Variants in CLEC16A observed in about 807,000 individuals in gnomAD.
The protein encoded by CLEC16A is protein CLEC16A.
A neutral mutation model predicts 109.5 loss-of-function variants in CLEC16A; 51 were observed. The ratio of observed to expected loss-of-function variants is 0.47; its 90% confidence interval spans 0.37 to 0.59. CLEC16A has a LOEUF of 0.59. CLEC16A is among the 20% of genes least tolerant of loss of function. The pLI, the probability that CLEC16A is intolerant of heterozygous loss-of-function variation, is 0.00. For synonymous variants in CLEC16A, 673 were observed against 564.2 expected (o/e 1.19, Z -2.73); for missense variants, 1,339 against 1,394.0 (o/e 0.96, Z 0.63).
intron 13 of CLEC16A, chr16:11,026,976 TC>T (rs1231159140): frequency 8.5e-6 from 13 of 1,533,848 alleles, no homozygotes; most frequent in Non-Finnish European, 1.1e-5. Flanking sequence ...GTGCTGTCTT[TC>T]CCATGTGGTG....
chr16:11,033,539 C>T (rs114348768), intron 13 of CLEC16A, among the ~76,000 whole-genome samples: 1 of 152,144 alleles, frequency 6.6e-6, no homozygotes, highest in Admixed American at 6.5e-5. Context: ...TTTGGTGGGG[C>T]TTTGCTGGTG....
intron 19 of CLEC16A, among the ~76,000 whole-genome samples, chr16:11,078,549 G>C (rs1050434309): frequency 8.5e-5 from 13 of 152,194 alleles, no homozygotes; most frequent in Non-Finnish European, 1.8e-4. Context: ...CAGTTTCTCA[G>C]GTGGAAACCA....
intron 7 of CLEC16A, among the ~76,000 whole-genome samples, chr16:10,973,493 G>T (rs1405526864): frequency 6.6e-6 from 1 of 152,206 alleles, no homozygotes; most frequent in Admixed American, 6.5e-5. Flanking sequence ...ATCTATAGGG[G>T]CAGAAAGTAG....
chr16:10,950,185 G>T (rs532108420), intron 1 of CLEC16A, among the ~76,000 whole-genome samples: 1 of 152,154 alleles, frequency 6.6e-6, no homozygotes, highest in Non-Finnish European at 1.5e-5. Context: ...CTGTCCTTTG[G>T]CTATCAGACA....
At position 11,051,448 on chromosome 16, in the gene CLEC16A, C is replaced by T; in HGVS notation, c.1867-65C>T. 4 of 1,565,124 alleles carry T rather than the reference C, an allele frequency of 2.6e-6. No homozygotes were observed. The South Asian group carries it at 3.4e-5, about 13-fold the overall frequency. On this transcript the variant is annotated intron_variant, in intron 17 of 23. Transcript: ENST00000409790. ...GAAGGCGAGGGGCCTGTGCAACCTC[C>T]CCCGGCCCCTTCCTCCTTCCAAGTA... is the stretch of plus-strand genomic sequence containing the variant.
At chr16:11,064,027 C>T (rs1052775175) in intron 19 of CLEC16A, among the ~76,000 whole-genome samples, 1 of 151,992 alleles carries the variant, frequency 6.6e-6, no homozygotes, top group Admixed American at 6.5e-5. Context: ...CTAGATAAAA[C>T]AGTGGATTTC....
intron 22 of CLEC16A, chr16:11,136,182 C>T (rs752330423): frequency 1.3e-5 from 2 of 152,240 alleles, no homozygotes; most frequent in Non-Finnish European, 2.9e-5. Flanking sequence ...GTTAGGTGGC[C>T]TTGACCCATT....
chr16:11,055,124 C>G (rs1371518075), intron 18 of CLEC16A, among the ~76,000 whole-genome samples: 1 of 152,092 alleles, frequency 6.6e-6, no homozygotes, highest in African/African-American at 2.4e-5. Flanking sequence ...CTGTGTTAGC[C>G]TTGGGGGTGA....
At chr16:11,154,916 G>A (rs2054448159) in intron 22 of CLEC16A, among the ~76,000 whole-genome samples, 1 of 151,888 alleles carries the variant, frequency 6.6e-6, no homozygotes, top group Non-Finnish European at 1.5e-5. Context: ...AACAGAGCGG[G>A]ACTCCATCTC....
At chr16:11,160,607 C>T (rs1436657949) in intron 22 of CLEC16A, among the ~76,000 whole-genome samples, 1 of 152,204 alleles carries the variant, frequency 6.6e-6, no homozygotes, top group Non-Finnish European at 1.5e-5. Flanking sequence ...GCCAGCCCGT[C>T]CCTTGTCCCT....
At chr16:10,991,220 CA>C in intron 10 of CLEC16A, among the ~76,000 whole-genome samples, 1 of 152,012 alleles carries the variant, frequency 6.6e-6, no homozygotes, top group Non-Finnish European at 1.5e-5. Context: ...TTACAGTTCT[CA>C]GTAAGGTGGC....
intron 22 of CLEC16A, among the ~76,000 whole-genome samples, chr16:11,152,421 A>AT (rs1445710905): frequency 6.6e-6 from 1 of 152,026 alleles, no homozygotes; most frequent in East Asian, 1.9e-4. Flanking sequence ...TTCTGGAGAG[A>AT]TTTGGGGTTT....
intron 19 of CLEC16A, among the ~76,000 whole-genome samples, chr16:11,107,148 T>A (rs1013418033): frequency 9.2e-5 from 14 of 152,174 alleles, no homozygotes; most frequent in Non-Finnish European, 1.2e-4. Context: ...AAGCAGTAGG[T>A]CCCAGTTTCC....
intron 21 of CLEC16A, 74 bp from the exon 22 acceptor site, chr16:11,125,905 C>CA: frequency 2.6e-5 from 2 of 75,846 alleles, no homozygotes; most frequent in Non-Finnish European, 5.0e-5. Flanking sequence ...ACTACGATGT[C>CA]CCCCCCCCCA....
At chr16:11,107,856 G>C (rs2051317951) in intron 19 of CLEC16A, among the ~76,000 whole-genome samples, 1 of 152,252 alleles carries the variant, frequency 6.6e-6, no homozygotes, top group South Asian at 2.1e-4. Flanking sequence ...TGACCTGGGA[G>C]AGATGCATTG....
chr16:11,017,831 T>A lies in CLEC16A; in HGVS notation c.1304-2362T>A, dbSNP rs570395217. On this transcript the variant is annotated intron_variant, in intron 11 of 23. Coordinates refer to ENST00000409790, the MANE Select transcript of CLEC16A (RefSeq NM_015226.3). ...ACCAGTACTCCTCAAAATGTCCAGGTCATCACAAGCAAGGACAGTCTGAGA... is the reference window on the plus strand; with the variant it reads ...ACCAGTACTCCTCAAAATGTCCAGGACATCACAAGCAAGGACAGTCTGAGA... Among the ~76,000 whole-genome samples, 9 of 151,808 alleles carry A rather than the reference T, an allele frequency of 5.9e-5. No individual in the cohort carries two copies. In the East Asian group the frequency reaches 7.7e-4, roughly 13 times the overall value.
chr16:10,952,701 T>C (rs2041795924), intron 1 of CLEC16A, among the ~76,000 whole-genome samples: 2 of 152,206 alleles, frequency 1.3e-5, no homozygotes, highest in Admixed American at 1.3e-4. Flanking sequence ...CAGGGCATTG[T>C]GGGACAGAAA....
intron 11 of CLEC16A, among the ~76,000 whole-genome samples, chr16:11,019,235 G>A (rs1036977175): frequency 3.9e-5 from 6 of 152,192 alleles, no homozygotes. Context: ...CAAGAACTCT[G>A]ATGGGGACAC....
intron 22 of CLEC16A, among the ~76,000 whole-genome samples, chr16:11,128,198 T>A (rs2052960947): frequency 6.6e-6 from 1 of 152,254 alleles, no homozygotes; most frequent in African/African-American, 2.4e-5. Context: ...CAAGGTAGAA[T>A]GTAAATAAAT....
Sources: gnomAD v4.1 joint callset for allele counts (sites outside exome capture counted in the v4.1 genomes callset) on GRCh38, gnomAD v4.1.1 for gene constraint, MANE v1.5 for transcripts, NCBI Gene and HGNC (gene_info 2026-07-23, HGNC 2026-07-21) for gene names.